Variants in PLCG2 observed in about 807,000 individuals in gnomAD.
PLCG2 encodes 1-phosphatidylinositol 4,5-bisphosphate phosphodiesterase gamma-2.
PLCG2 carries 69 observed loss-of-function variants against 175.6 expected under a neutral mutation model. The ratio of observed to expected loss-of-function variants is 0.39; its 90% confidence interval spans 0.32 to 0.48. The LOEUF is 0.48. Among genes scored for constraint, PLCG2 ranks in the 20% least tolerant of loss-of-function variants. The pLI is 0.91. For missense variants in PLCG2, 1,798 were observed against 1,650.9 expected, an observed-to-expected ratio of 1.09 and a Z score of -1.54; for synonymous variants, 827 against 624.0, an observed-to-expected ratio of 1.33 and a Z score of -4.85.
intron 30 of PLCG2, 37 bp downstream of exon 30, chr16:81,940,096 T>C (rs1272364190): frequency 1.6e-5 from 25 of 1,565,016 alleles, no homozygotes; most frequent in Non-Finnish European, 2.2e-5. Context: ...CGATTTGGGC[T>C]GGCGTTGTAC....
At chr16:81,791,423 G>C (rs1911225680) in intron 2 of PLCG2, among the ~76,000 whole-genome samples, 1 of 152,174 alleles carries the variant, frequency 6.6e-6, no homozygotes, top group Non-Finnish European at 1.5e-5. Context: ...GATCTGGGCA[G>C]AGCTCAGCTG....
chr16:81,781,228 T>A (rs1444684747), intron 1 of PLCG2, among the ~76,000 whole-genome samples: 1 of 152,208 alleles, frequency 6.6e-6, no homozygotes, highest in Admixed American at 6.5e-5. Context: ...AAAAGGGAAT[T>A]GTATTATACT....
chr16:81,814,474 C>T (rs778441141), intron 2 of PLCG2, among the ~76,000 whole-genome samples: 2 of 152,050 alleles, frequency 1.3e-5, no homozygotes, highest in African/African-American at 2.4e-5. Context: ...GGGCAGATCA[C>T]ATGAGGTCAG....
intron 1 of PLCG2, among the ~76,000 whole-genome samples, chr16:81,753,089 G>T (rs554065046): frequency 6.6e-6 from 1 of 152,346 alleles, no homozygotes; most frequent in South Asian, 2.1e-4. Context: ...TGCCCCACCA[G>T]CTTCTGCTGA....
upstream of PLCG2, among the ~76,000 whole-genome samples, chr16:81,775,745 A>C (rs1288354220): frequency 6.6e-6 from 1 of 152,156 alleles, no homozygotes; most frequent in Non-Finnish European, 1.5e-5. Context: ...ATTTTCTTTC[A>C]GGTTATTCTT....
chr16:81,897,549 T>C (rs1175115612), intron 13 of PLCG2, among the ~76,000 whole-genome samples: 1 of 19,334 alleles, frequency 5.2e-5, no homozygotes, highest in Non-Finnish European at 1.1e-4. Context: ...TTTTCTTTTC[T>C]TTTTTTTTTT....
intron 19 of PLCG2, 63 bp downstream of exon 19, chr16:81,912,779 G>C (rs1191558493): frequency 1.5e-5 from 22 of 1,492,736 alleles, no homozygotes; most frequent in Admixed American, 4.8e-5. Context: ...GATGCGGAGA[G>C]ACAAGGGGGA....
intron 2 of PLCG2, among the ~76,000 whole-genome samples, chr16:81,768,818 C>A (rs116842314): frequency 6.6e-6 from 1 of 152,128 alleles, no homozygotes; most frequent in African/African-American, 2.4e-5. Context: ...TCATGCACCT[C>A]GGCCTCCCAA....
At chr16:81,785,898 C>G (rs1910947529) in intron 1 of PLCG2, 45 bp from the exon 2 acceptor site, 2 of 1,215,568 alleles carry the variant, frequency 1.6e-6, no homozygotes, top group Non-Finnish European at 2.4e-6. Flanking sequence ...AACTAAACCC[C>G]TTTCAGTACT....
intron 2 of PLCG2, among the ~76,000 whole-genome samples, chr16:81,841,748 C>T (rs1411367791): frequency 6.6e-6 from 1 of 152,154 alleles, no homozygotes; most frequent in Non-Finnish European, 1.5e-5. Flanking sequence ...GCCTCGGAAG[C>T]CCCTTTTGTC....
At chr16:81,943,039 T>G (rs1035796918) in intron 30 of PLCG2, among the ~76,000 whole-genome samples, 27 of 152,186 alleles carry the variant, frequency 1.8e-4, no homozygotes, top group African/African-American at 6.5e-4. Context: ...GTCTCCGATT[T>G]AAGAGGCACA....
intron 2 of PLCG2, among the ~76,000 whole-genome samples, chr16:81,849,941 A>T (rs1359157489): frequency 6.6e-6 from 1 of 152,210 alleles, no homozygotes; most frequent in Non-Finnish European, 1.5e-5. Context: ...TGGAAAACAA[A>T]CCTTAATACC....
At position 81,956,871 on chromosome 16, in the gene PLCG2, C is replaced by T. The variant is rs1197295448; in HGVS notation, c.3747C>T (p.Cys1249=). Residue 1249 remains cysteine, a synonymous_variant, in exon 32 of 33, where the codon TGC becomes TGT. Transcript: ENST00000564138. ...ENQLQLYQEK[C]NKRLREKRVS... is the part of the protein sequence containing the mutation. ...AGCTCCAGCTGTACCAGGAGAAATG[C>T]AACAAGAGGTAGGTCAGCCCCTCCA... 2 of 1,613,140 alleles carry T rather than the reference C, an allele frequency of 1.2e-6. No individual in the cohort carries two copies. Among genetic ancestry groups the T allele is most frequent in the Non-Finnish European group, 1.7e-6 (2 of 1,179,372 alleles).
At chr16:81,867,097 G>A (rs1387029450) in intron 5 of PLCG2, among the ~76,000 whole-genome samples, 1 of 152,232 alleles carries the variant, frequency 6.6e-6, no homozygotes, top group Non-Finnish European at 1.5e-5. Context: ...CTGTTACAGA[G>A]GCCCTTAGAA....
At chr16:81,877,298 C>T (rs1230142407) in intron 7 of PLCG2, among the ~76,000 whole-genome samples, 3 of 151,890 alleles carry the variant, frequency 2.0e-5, no homozygotes, top group Non-Finnish European at 4.4e-5. Flanking sequence ...ACTAAAAATA[C>T]AAAAAAAATT....
chr16:81,906,097 C>T (rs935960415), intron 15 of PLCG2: 3 of 152,266 alleles, frequency 2.0e-5, no homozygotes, highest in East Asian at 1.9e-4. Flanking sequence ...TAACATCCTA[C>T]ATAACCATAG....
chr16:81,809,093 G>A (rs1478823023), intron 2 of PLCG2, among the ~76,000 whole-genome samples: 1 of 152,178 alleles, frequency 6.6e-6, no homozygotes, highest in East Asian at 1.9e-4. Context: ...TGCTAAGCCA[G>A]GCCTGGTCTC....
chr16:81,781,746 ATTGTC>A (rs1910741119), intron 1 of PLCG2, among the ~76,000 whole-genome samples: 1 of 152,114 alleles, frequency 6.6e-6, no homozygotes, highest in African/African-American at 2.4e-5. Context: ...TTTTAACACA[ATTGTC>A]TTGTGGGATT....
intron 2 of PLCG2, among the ~76,000 whole-genome samples, chr16:81,767,258 C>T (rs1597307497): frequency 6.7e-6 from 1 of 148,862 alleles, no homozygotes; most frequent in African/African-American, 2.5e-5. Context: ...GATTCTTGTG[C>T]CTCAGCCTCC....
Sources: allele counts gnomAD v4.1 joint callset (sites outside exome capture counted in the v4.1 genomes callset), GRCh38; gene constraint gnomAD v4.1.1; transcripts MANE v1.5; gene names NCBI Gene and HGNC (gene_info 2026-07-23, HGNC 2026-07-21).